The following IMMP2L variants were observed in gnomAD, a reference collection of about 807,000 sequenced individuals.
IMMP2L encodes the protein mitochondrial inner membrane protease subunit 2.
IMMP2L carries 18 observed loss-of-function variants against 19.3 expected under a neutral mutation model. That is an observed-to-expected ratio of 0.93 (90% confidence interval 0.64 to 1.38). The LOEUF is 1.38. Ranked by LOEUF, IMMP2L falls within the 40% of genes most tolerant of loss-of-function variation. The pLI is 0.00. For missense variants in IMMP2L, 233 were observed against 218.2 expected (o/e 1.07, Z -0.43); for synonymous variants, 76 against 73.0 (o/e 1.04, Z -0.21).
At chr7:111,385,168 G>A (rs1350328185) in intron 3 of IMMP2L, among the ~76,000 whole-genome samples, 1 of 152,066 alleles carries the variant, frequency 6.6e-6, no homozygotes, top group Non-Finnish European at 1.5e-5. Context: ...GGAGGTGGGG[G>A]GGCAAGGGTA....
At chr7:111,283,778 C>T (rs1295744643) in intron 3 of IMMP2L, among the ~76,000 whole-genome samples, 6 of 151,106 alleles carry the variant, frequency 4.0e-5, no homozygotes, top group Non-Finnish European at 7.4e-5. Context: ...GAGACCATCC[C>T]GGCTAAAACG....
In IMMP2L at chr7:111,426,731, T is replaced by C. The variant is rs912116368; in HGVS notation, c.239+60507A>G. Among the ~76,000 whole-genome samples the C allele has an allele frequency of 2.0e-5, 3 of 151,480 alleles. 1 individual carries two copies. Among genetic ancestry groups the C allele is most frequent in the African/African-American group, 7.3e-5 (3 of 41,256 alleles). ...GCAACCTAACCAAAATTCTGGCATA[T>C]GTGAGTTTACTGCAATATTATTTCT... On this transcript the variant is annotated intron_variant, in intron 3 of 5. Coordinates refer to ENST00000405709, the MANE Select transcript of IMMP2L (RefSeq NM_032549.4).
chr7:111,314,050 T>C (rs1027233578), intron 3 of IMMP2L, among the ~76,000 whole-genome samples: 6 of 152,058 alleles, frequency 3.9e-5, no homozygotes, highest in African/African-American at 1.4e-4. Context: ...CCACCATGAG[T>C]AAAAGCTCCC....
chr7:110,944,477 G>T (rs1343441022), intron 4 of IMMP2L, among the ~76,000 whole-genome samples: 1 of 151,904 alleles, frequency 6.6e-6, no homozygotes, highest in African/African-American at 2.4e-5. Flanking sequence ...GCGCACGTGT[G>T]TGTGTGCGCG....
intron 3 of IMMP2L, among the ~76,000 whole-genome samples, chr7:111,030,097 T>C (rs1308883770): frequency 6.6e-6 from 1 of 152,156 alleles, no homozygotes; most frequent in Non-Finnish European, 1.5e-5. Context: ...AAAAGGAATA[T>C]TGGATTCTGC....
At chr7:110,791,566 C>T (rs911348044) in intron 5 of IMMP2L, among the ~76,000 whole-genome samples, 1 of 151,640 alleles carries the variant, frequency 6.6e-6, no homozygotes, top group Non-Finnish European at 1.5e-5. Flanking sequence ...GTAAGCAAAA[C>T]AATATTCCTC....
At chr7:110,762,407 G>A (rs1013092795) in intron 5 of IMMP2L, among the ~76,000 whole-genome samples, 57 of 152,128 alleles carry the variant, frequency 3.7e-4, no homozygotes, top group African/African-American at 1.3e-3. Flanking sequence ...GGCCTTCATG[G>A]TAAGACCACT....
At chr7:110,765,461 A>G (rs1798601185) in intron 5 of IMMP2L, among the ~76,000 whole-genome samples, 1 of 152,148 alleles carries the variant, frequency 6.6e-6, no homozygotes. Flanking sequence ...GGGGGGACAC[A>G]GTATGGACTG....
At chr7:111,412,562 T>G (rs1834530718) in intron 3 of IMMP2L, among the ~76,000 whole-genome samples, 1 of 151,754 alleles carries the variant, frequency 6.6e-6, no homozygotes, top group Non-Finnish European at 1.5e-5. Flanking sequence ...ACAAGGGAAA[T>G]TTAAAAACAT....
intron 2 of IMMP2L, among the ~76,000 whole-genome samples, chr7:111,507,564 C>T (rs1332157894): frequency 2.0e-5 from 3 of 152,100 alleles, no homozygotes; most frequent in African/African-American, 7.2e-5. Flanking sequence ...ATTTGTCCAG[C>T]GTCTGCCAAC....
At chr7:111,406,892 T>C (rs1450883463) in intron 3 of IMMP2L, among the ~76,000 whole-genome samples, 13 of 152,040 alleles carry the variant, frequency 8.6e-5, no homozygotes, top group African/African-American at 4.8e-5. Flanking sequence ...AGAAGCTGAA[T>C]TGCAGTGTGG....
chr7:110,754,137 T>TA (rs1342155499), intron 5 of IMMP2L, among the ~76,000 whole-genome samples: 1 of 151,974 alleles, frequency 6.6e-6, no homozygotes, highest in Non-Finnish European at 1.5e-5. Flanking sequence ...AGGCTGTCCT[T>TA]AAAAATGGGT....
intron 3 of IMMP2L, among the ~76,000 whole-genome samples, chr7:111,025,093 T>C (rs1826677108): frequency 6.6e-6 from 1 of 152,142 alleles, no homozygotes; most frequent in East Asian, 1.9e-4. Context: ...CCTCCCACCA[T>C]ACTCATCCCC....
chr7:110,987,935 C>A (rs1822030809), intron 3 of IMMP2L, among the ~76,000 whole-genome samples: 1 of 152,066 alleles, frequency 6.6e-6, no homozygotes, highest in Non-Finnish European at 1.5e-5. Context: ...GGCTCATTAT[C>A]CCGTTATCAA....
intron 3 of IMMP2L, among the ~76,000 whole-genome samples, chr7:111,227,607 T>C (rs1813242316): frequency 6.6e-6 from 1 of 151,994 alleles, no homozygotes; most frequent in South Asian, 2.1e-4. Context: ...TCAGAGCCTA[T>C]AAAGACAAAA....
chr7:111,445,753 T>C (rs572899493), intron 3 of IMMP2L, among the ~76,000 whole-genome samples: 1,634 of 151,618 alleles, frequency 0.011, 32 homozygotes, highest in African/African-American at 0.036. Context: ...CCAGCGTGAG[T>C]GACGCAGAAG....
chr7:111,263,314 GA>G (rs1817514786), intron 3 of IMMP2L, among the ~76,000 whole-genome samples: 1 of 152,050 alleles, frequency 6.6e-6, no homozygotes, highest in African/African-American at 2.4e-5. Context: ...ATATTCTGAA[GA>G]AAGAACCAAA....
At position 111,466,367 on chromosome 7, in the gene IMMP2L, G is replaced by A. The variant is rs112398427; in HGVS notation, c.239+20871C>T. Among the ~76,000 whole-genome samples, 971 of 152,118 alleles carry A rather than the reference G, an allele frequency of 6.4e-3. 12 individuals are homozygous for A. The highest frequency in any genetic ancestry group is 0.021 in the African/African-American group (854 of 41,486). ...ATAAAAAAAATTATCAAATTTAGTC[G>A]CTTTTTAGGAAAGGGTAAGGAGTTG... On this transcript the variant is annotated intron_variant, in intron 3 of 5. Coordinates refer to ENST00000405709, the MANE Select transcript of IMMP2L (RefSeq NM_032549.4).
intron 3 of IMMP2L, among the ~76,000 whole-genome samples, chr7:111,481,071 A>G (rs141206079): frequency 6.6e-6 from 1 of 152,242 alleles, no homozygotes; most frequent in African/African-American, 2.4e-5. Flanking sequence ...CAGCCACCAC[A>G]CTGGCCATCT....
Sources: gnomAD v4.1 joint callset for allele counts (sites outside exome capture counted in the v4.1 genomes callset) on GRCh38, gnomAD v4.1.1 for gene constraint, MANE v1.5 for transcripts, NCBI Gene and HGNC (gene_info 2026-07-23, HGNC 2026-07-21) for gene names.